Variants in MAST2 observed in about 807,000 individuals in gnomAD.
MAST2 encodes microtubule associated serine/threonine kinase 2.
A neutral mutation model predicts 147.4 loss-of-function variants in MAST2; 70 were observed. The ratio of observed to expected loss-of-function variants is 0.47; its 90% confidence interval spans 0.39 to 0.58. The LOEUF (loss-of-function observed/expected upper bound fraction) is 0.58, where lower values mean the gene tolerates loss of function less well. Among genes scored for constraint, MAST2 ranks in the 20% least tolerant of loss-of-function variants. The pLI is 0.00. For missense variants in MAST2, 2,080 were observed against 2,302.3 expected (o/e 0.90, Z 1.98); for synonymous variants, 869 against 896.8 (o/e 0.97, Z 0.55).
chr1:45,862,113 CA>C (rs1191638773), intron 3 of MAST2, among the ~76,000 whole-genome samples: 3 of 152,154 alleles, frequency 2.0e-5, no homozygotes, highest in African/African-American at 7.2e-5. Flanking sequence ...GAGAAGAATG[CA>C]AAATTTGCAT....
intron 3 of MAST2, among the ~76,000 whole-genome samples, chr1:45,835,681 A>G (rs1405272274): frequency 6.6e-6 from 1 of 152,170 alleles, no homozygotes; most frequent in East Asian, 1.9e-4. Context: ...GTGTGCAGCC[A>G]TCACCTTTAT....
At chr1:45,980,780 C>T (rs1024188523) in intron 5 of MAST2, among the ~76,000 whole-genome samples, 1 of 152,196 alleles carries the variant, frequency 6.6e-6, no homozygotes, top group African/African-American at 2.4e-5. Flanking sequence ...AAGTGATCCT[C>T]CTGCCTTGGC....
Position 45,886,129 on chromosome 1 carries a change from G to A in MAST2, c.500+3734G>A, listed in dbSNP as rs112440752. 2.9e-3 allele frequency among the ~76,000 whole-genome samples: 440 copies of A among 151,556 alleles called. 4 individuals carry two copies. The highest frequency in any genetic ancestry group is 5.6e-3 in the Non-Finnish European group (382 of 67,918). ...AAAATTTTAAAAATCAAAAAATTTTGTATTGTCCAGGAATTTTCTCATTAA... is the reference window on the plus strand; with the variant it reads ...AAAATTTTAAAAATCAAAAAATTTTATATTGTCCAGGAATTTTCTCATTAA... On this transcript the variant is annotated intron_variant, in intron 4 of 28. Coordinates refer to ENST00000361297, the MANE Select transcript of MAST2 (RefSeq NM_015112.3).
At position 46,034,421 on chromosome 1, in the gene MAST2, G is replaced by C. The variant is rs1646813831; in HGVS notation, c.3869-117G>C. ...TGGGGAGGAATTAATTGATGGGGAA[G>C]GGGGTAGCTTGGTTTCTGGGACATA... On this transcript the variant is annotated intron_variant, in intron 28 of 28. Transcript: ENST00000361297. The C allele has an allele frequency of 2.2e-6, 3 of 1,336,786 alleles. No individual in the cohort carries two copies. The African/African-American group carries it at 4.4e-5, about 20-fold the overall frequency. 82.8% of individuals were successfully genotyped at this position (1,336,786 alleles called of 1,614,324 possible). A position where few individuals can be genotyped will look rare whatever the true frequency, so the allele number is the denominator to read the frequency against.
chr1:45,808,452 A>AAAG (rs1471205063), intron 1 of MAST2, among the ~76,000 whole-genome samples: 1 of 151,652 alleles, frequency 6.6e-6, no homozygotes, highest in African/African-American at 2.4e-5. Flanking sequence ...CAGGCAATCC[A>AAAG]CCCGCCTTGG....
intron 4 of MAST2, among the ~76,000 whole-genome samples, chr1:45,898,157 T>G (rs1649079762): frequency 6.6e-6 from 1 of 151,784 alleles, no homozygotes; most frequent in Non-Finnish European, 1.5e-5. Flanking sequence ...AAGAAAAAAT[T>G]ATAGTAGTTA....
rs181061878 is a variant in MAST2 at position 45,816,879 on chromosome 1, G to A, written c.178-7554G>A. 5.3e-4 allele frequency among the ~76,000 whole-genome samples: 81 copies of A among 152,022 alleles called. 1 individual carries two copies. The highest frequency in any genetic ancestry group is 1.6e-3 in the African/African-American group (68 of 41,460). On this transcript the variant is annotated intron_variant, in intron 1 of 28. Coordinates refer to ENST00000361297, the MANE Select transcript of MAST2 (RefSeq NM_015112.3). ...TTTTTAGTAGAGACGGGGTTTCACC[G>A]TGTCAACCAGGATGGTCTCGATCTC...
At chr1:45,912,916 C>G (rs1018003011) in intron 4 of MAST2, among the ~76,000 whole-genome samples, 1 of 152,178 alleles carries the variant, frequency 6.6e-6, no homozygotes, top group Admixed American at 6.5e-5. Context: ...CTCACCACAA[C>G]CTATATATTA....
At chr1:45,827,947 TCA>T in intron 2 of MAST2, among the ~76,000 whole-genome samples, 1 of 152,054 alleles carries the variant, frequency 6.6e-6, no homozygotes, top group Non-Finnish European at 1.5e-5. Context: ...CCGCTTCTCC[TCA>T]GCCTCCTGAG....
chr1:45,884,398 A>AAAAATT (rs1209234050), intron 4 of MAST2, among the ~76,000 whole-genome samples: 1 of 152,104 alleles, frequency 6.6e-6, no homozygotes, highest in Non-Finnish European at 1.5e-5. Flanking sequence ...AAATAAAAAT[A>AAAAATT]AAAATTAGCC....
chr1:46,033,537 G>C (rs145948149), intron 26 of MAST2, among the ~76,000 whole-genome samples: 444 of 152,274 alleles, frequency 2.9e-3, no homozygotes, highest in Non-Finnish European at 4.6e-3. Flanking sequence ...TAAGGCCCAG[G>C]GATCCTTCTG....
At chr1:45,940,699 A>G (rs895403063) in intron 4 of MAST2, among the ~76,000 whole-genome samples, 2 of 150,380 alleles carry the variant, frequency 1.3e-5, no homozygotes, top group African/African-American at 4.9e-5. Context: ...GGCTCACTGC[A>G]ATCTCCGCCA....
At position 46,022,879 on chromosome 1, in the gene MAST2, G is replaced by A. The variant is rs372105013; in HGVS notation, c.1424-31G>A. 349 of 1,571,314 alleles carry A rather than the reference G, an allele frequency of 2.2e-4. 2 individuals carry two copies. In the African/African-American group the frequency reaches 2.8e-3, roughly 12 times the overall value. On this transcript the variant is annotated intron_variant, in intron 12 of 28. Transcript: ENST00000361297. ...CTGCTGAGATACCTGACATTGCCAC[G>A]CACATTCTTCTCTTGTATCTTTGTT... is the stretch of plus-strand genomic sequence containing the variant.
chr1:45,856,607 A>G (rs552536609), intron 3 of MAST2, among the ~76,000 whole-genome samples: 1 of 152,220 alleles, frequency 6.6e-6, no homozygotes, highest in Non-Finnish European at 1.5e-5. Flanking sequence ...TGTATGTTAA[A>G]AAAACGTTCT....
chr1:45,911,422 C>T (rs1256725926), intron 4 of MAST2, among the ~76,000 whole-genome samples: 3 of 152,200 alleles, frequency 2.0e-5, no homozygotes, highest in African/African-American at 7.2e-5. Context: ...AGGAGTACTG[C>T]TCTGCAATAG....
intron 1 of MAST2, among the ~76,000 whole-genome samples, chr1:45,819,831 T>C (rs1405696092): frequency 6.6e-6 from 1 of 152,044 alleles, no homozygotes; most frequent in Non-Finnish European, 1.5e-5. Context: ...TCCACAAAAA[T>C]AGAAAAAACA....
In MAST2 at chr1:46,010,928, C is replaced by G; in HGVS notation, c.1177C>G (p.Leu393Val). The change falls in exon 10 of 29, where the codon CTT becomes GTT. Residue 393 changes from leucine to valine, a missense_variant. Transcript: ENST00000361297. ...FYELQDNLEKLLQDAHERSES... is the reference protein window; with the variant it reads ...FYELQDNLEKVLQDAHERSES... ...CGAACTTCAAGATAATTTGGAGAAA[C>G]TTTTACAAGATGTGAGTGTCCTTGT... 1 of 1,613,876 alleles carries G rather than the reference C, an allele frequency of 6.2e-7. No homozygotes were observed. Among genetic ancestry groups the G allele is most frequent in the Non-Finnish European group, 8.5e-7 (1 of 1,179,800 alleles).
intron 2 of MAST2, among the ~76,000 whole-genome samples, chr1:45,824,839 A>G (rs968928706): frequency 6.6e-6 from 1 of 152,104 alleles, no homozygotes; most frequent in African/African-American, 2.4e-5. Context: ...CTCTCTGCCT[A>G]TTTCTGTAAA....
At chr1:45,893,858 A>G (rs897785434) in intron 4 of MAST2, among the ~76,000 whole-genome samples, 1 of 152,168 alleles carries the variant, frequency 6.6e-6, no homozygotes, top group African/African-American at 2.4e-5. Flanking sequence ...AAACCTAATT[A>G]TTTCTAACAT....
Sources: gnomAD v4.1 joint callset for allele counts (sites outside exome capture counted in the v4.1 genomes callset) on GRCh38, gnomAD v4.1.1 for gene constraint, MANE v1.5 for transcripts, NCBI Gene and HGNC (gene_info 2026-07-23, HGNC 2026-07-21) for gene names.